Variants in CDC42BPB observed in about 807,000 individuals in gnomAD.
The protein encoded by CDC42BPB is CDC42 binding protein kinase beta, also known as serine/threonine-protein kinase MRCK beta.
CDC42BPB carries 37 observed loss-of-function variants against 214.9 expected under a neutral mutation model. The observed-to-expected ratio is 0.17, with a 90% CI of 0.13 to 0.23. CDC42BPB has a LOEUF of 0.23. CDC42BPB is among the 10% of genes least tolerant of loss of function. The probability of loss-of-function intolerance (pLI) is 1.00; values close to 1 mark genes in which losing one functional copy is unlikely to be tolerated. For missense variants in CDC42BPB, 1,694 were observed against 2,227.0 expected (o/e 0.76, Z 4.82); for synonymous variants, 931 against 884.0 (o/e 1.05, Z -0.94).
chr14:102,966,031 A>C (rs1893186101), intron 18 of CDC42BPB, among the ~76,000 whole-genome samples: 1 of 152,214 alleles, frequency 6.6e-6, no homozygotes, highest in South Asian at 2.1e-4. Context: ...TGAGGGCAGA[A>C]TCCAGTCTTA....
intron 1 of CDC42BPB, among the ~76,000 whole-genome samples, chr14:103,045,279 C>T (rs1460799324): frequency 1.3e-5 from 2 of 152,132 alleles, no homozygotes; most frequent in Non-Finnish European, 2.9e-5. Flanking sequence ...AAGAATATTT[C>T]TTATTCTGCT....
chr14:102,940,720 C>T (rs933182345), intron 30 of CDC42BPB: 8 of 246,880 alleles, frequency 3.2e-5, no homozygotes, highest in Non-Finnish European at 5.6e-5. Context: ...CTAATTCTTC[C>T]GTAGGAGATG....
intron 36 of CDC42BPB, chr14:102,934,100 G>A: frequency 3.6e-6 from 4 of 1,101,068 alleles, no homozygotes; most frequent in Non-Finnish European, 4.7e-6. Context: ...ACTCTGTAGT[G>A]AAGAAATCAG....
intron 2 of CDC42BPB, among the ~76,000 whole-genome samples, chr14:103,011,451 G>A (rs1023482000): frequency 2.6e-5 from 4 of 152,228 alleles, no homozygotes; most frequent in Non-Finnish European, 5.9e-5. Flanking sequence ...TACGTCAGAA[G>A]GCTGGGCGTG....
At chr14:102,959,537 T>C in intron 21 of CDC42BPB, 94 bp downstream of exon 21, 2 of 796,526 alleles carry the variant, frequency 2.5e-6, no homozygotes, top group Non-Finnish European at 4.1e-6. Context: ...TTTACTGGTG[T>C]GTTTGTGGCC....
intron 5 of CDC42BPB, among the ~76,000 whole-genome samples, chr14:102,987,788 A>ACACACAC (rs1894312194): frequency 8.5e-5 from 12 of 140,842 alleles, no homozygotes; most frequent in African/African-American, 2.4e-4. Context: ...CAAACACACA[A>ACACACAC]ACACACACAC....
chr14:102,972,429 G>A, intron 12 of CDC42BPB: 1 of 660,868 alleles, frequency 1.5e-6, no homozygotes, highest in South Asian at 6.7e-5. Flanking sequence ...GCTCACACCT[G>A]TAACCCCAGC....
intron 3 of CDC42BPB, among the ~76,000 whole-genome samples, chr14:103,008,032 A>T (rs1381841440): frequency 6.6e-6 from 1 of 151,668 alleles, no homozygotes. Flanking sequence ...ACTAAGAAAA[A>T]GGAGCTGATC....
intron 4 of CDC42BPB, among the ~76,000 whole-genome samples, chr14:103,002,222 C>T (rs1182383246): frequency 6.6e-6 from 1 of 152,128 alleles, no homozygotes; most frequent in Non-Finnish European, 1.5e-5. Flanking sequence ...TCAACGCCCC[C>T]GCTCAAGGTG....
intron 30 of CDC42BPB, among the ~76,000 whole-genome samples, chr14:102,942,379 GCAGA>G (rs1254681274): frequency 3.9e-5 from 6 of 152,326 alleles, no homozygotes; most frequent in South Asian, 2.1e-4. Context: ...TGACAATGGG[GCAGA>G]CAAAGGGGTT....
chr14:102,990,620 C>A (rs182978398), intron 5 of CDC42BPB, among the ~76,000 whole-genome samples: 1 of 152,272 alleles, frequency 6.6e-6, no homozygotes. Flanking sequence ...GGCCTAGAAG[C>A]AGGCAACCCC....
chr14:102,940,914 G>A lies in CDC42BPB; in HGVS notation c.4409-590C>T, dbSNP rs77389156. Among the ~76,000 whole-genome samples the A allele has an allele frequency of 4.2e-3, 647 of 152,364 alleles. 5 individuals are homozygous for A. The highest frequency in any genetic ancestry group is 0.014 in the African/African-American group (598 of 41,590). On this transcript the variant is annotated intron_variant, in intron 30 of 36. Transcript: ENST00000361246. ...GGCATATGCAAGCGAGGCTAAGGGC[G>A]TCCTGCAGGGAGCTCTGGGGTCCGC...
intron 2 of CDC42BPB, among the ~76,000 whole-genome samples, chr14:103,010,316 C>G (rs1179512700): frequency 6.6e-6 from 1 of 152,092 alleles, no homozygotes; most frequent in African/African-American, 2.4e-5. Context: ...TCTGTCCCAT[C>G]CTGGCCTGTG....
intron 1 of CDC42BPB, among the ~76,000 whole-genome samples, chr14:103,035,766 G>A (rs1047615555): frequency 6.6e-6 from 1 of 152,086 alleles, no homozygotes; most frequent in African/African-American, 2.4e-5. Flanking sequence ...CATGAACCCG[G>A]GAGGCGGAGC....
At chr14:103,034,922 A>G (rs1887585436) in intron 1 of CDC42BPB, among the ~76,000 whole-genome samples, 1 of 152,176 alleles carries the variant, frequency 6.6e-6, no homozygotes, top group African/African-American at 2.4e-5. Flanking sequence ...TTAATATTAA[A>G]CAAAGTTTTA....
At chr14:102,945,857 G>C (rs1450555990) in intron 28 of CDC42BPB, 133 bp from the exon 29 acceptor site, 5 of 731,904 alleles carry the variant, frequency 6.8e-6, no homozygotes, top group African/African-American at 3.4e-5. Flanking sequence ...TTCCAGGGAT[G>C]TGACACTTCA....
At chr14:103,040,231 T>C (rs373066893) in intron 1 of CDC42BPB, among the ~76,000 whole-genome samples, 52 of 151,950 alleles carry the variant, frequency 3.4e-4, no homozygotes, top group African/African-American at 1.1e-3. Flanking sequence ...GGCGGGTGCC[T>C]GCAATCCCAG....
At chr14:102,971,787 G>C (rs1330060023) in intron 13 of CDC42BPB, 132 bp downstream of exon 13, 6 of 841,396 alleles carry the variant, frequency 7.1e-6, no homozygotes, top group Non-Finnish European at 1.1e-5. Context: ...ATGCTCGGCC[G>C]ATCAACTTAC....
At chr14:103,032,659 G>A (rs1204601669) in intron 1 of CDC42BPB, among the ~76,000 whole-genome samples, 3 of 132,326 alleles carry the variant, frequency 2.3e-5, no homozygotes, top group Non-Finnish European at 4.6e-5. Flanking sequence ...TTGAGACGGA[G>A]TCTCGCTCTG....
Sources: gnomAD v4.1 joint callset for allele counts (sites outside exome capture counted in the v4.1 genomes callset) on GRCh38, gnomAD v4.1.1 for gene constraint, MANE v1.5 for transcripts, NCBI Gene and HGNC (gene_info 2026-07-23, HGNC 2026-07-21) for gene names.